Variants in MMP26 observed in about 807,000 individuals in gnomAD.
MMP26 encodes matrix metallopeptidase 26, also known as matrix metalloproteinase-26.
A neutral mutation model predicts 31.0 loss-of-function variants in MMP26; 33 were observed. The observed-to-expected ratio is 1.06, with a 90% CI of 0.81 to 1.42. MMP26 has a LOEUF of 1.42. MMP26 is among the 40% of genes most tolerant of loss of function. MMP26 has a pLI of 0.00. For synonymous variants in MMP26, 122 were observed against 114.9 expected (o/e 1.06, Z -0.40); for missense variants, 347 against 316.1 (o/e 1.10, Z -0.74).
At chr11:4,957,871 G>A (rs555643411) in intron 2 of MMP26, among the ~76,000 whole-genome samples, 2 of 151,942 alleles carry the variant, frequency 1.3e-5, no homozygotes, top group African/African-American at 4.8e-5. Context: ...GTAGAGATGG[G>A]GTTTTGCCAT....
intron 2 of MMP26, among the ~76,000 whole-genome samples, chr11:4,865,412 T>C (rs1850220078): frequency 6.6e-6 from 1 of 152,060 alleles, no homozygotes; most frequent in Non-Finnish European, 1.5e-5. Flanking sequence ...GTAGAACGAA[T>C]GAATCCTCTT....
chr11:4,861,279 A>G (rs1037024501), intron 2 of MMP26, among the ~76,000 whole-genome samples: 1 of 150,462 alleles, frequency 6.6e-6, no homozygotes, highest in Non-Finnish European at 1.5e-5. Flanking sequence ...ATATACATGC[A>G]GATACATACA....
intron 2 of MMP26, among the ~76,000 whole-genome samples, chr11:4,963,581 A>G (rs773890687): frequency 1.3e-5 from 2 of 152,204 alleles, no homozygotes; most frequent in Non-Finnish European, 2.9e-5. Flanking sequence ...ATAATGCCAA[A>G]CATCTACAAC....
chr11:4,798,317 G>A (rs1034383919), intron 2 of MMP26, among the ~76,000 whole-genome samples: 3 of 152,166 alleles, frequency 2.0e-5, no homozygotes, highest in Non-Finnish European at 4.4e-5. Flanking sequence ...TTCAGGATTA[G>A]CAGACCAAGA....
chr11:4,983,549 G>A (rs1244590445), intron 2 of MMP26, among the ~76,000 whole-genome samples: 1 of 152,166 alleles, frequency 6.6e-6, no homozygotes, highest in Admixed American at 6.5e-5. Context: ...TTCAAAATCT[G>A]CTAGGAGAGG....
intron 2 of MMP26, among the ~76,000 whole-genome samples, chr11:4,823,916 CAA>C (rs549063563): frequency 2.0e-5 from 3 of 152,014 alleles, no homozygotes; most frequent in Non-Finnish European, 4.4e-5. Flanking sequence ...ATAAGTTAAC[CAA>C]AAGAGAGCAT....
At chr11:4,810,680 A>G (rs1849338123) in intron 2 of MMP26, among the ~76,000 whole-genome samples, 1 of 152,198 alleles carries the variant, frequency 6.6e-6, no homozygotes, top group South Asian at 2.1e-4. Flanking sequence ...TGAGTGCGTG[A>G]TTATCCAGAT....
intron 1 of MMP26, among the ~76,000 whole-genome samples, chr11:4,729,826 G>A (rs1486029481): frequency 1.3e-5 from 2 of 151,882 alleles, no homozygotes; most frequent in African/African-American, 4.8e-5. Flanking sequence ...AGCCCAAGTG[G>A]TAAACAATTC....
intron 1 of MMP26, among the ~76,000 whole-genome samples, chr11:4,747,764 A>T (rs1163889036): frequency 1.3e-5 from 2 of 152,134 alleles, no homozygotes; most frequent in Non-Finnish European, 2.9e-5. Flanking sequence ...GTGTTAAAAT[A>T]GGCAACATAA....
chr11:4,945,953 A>G (rs1233749201), intron 2 of MMP26: 2 of 580,098 alleles, frequency 3.4e-6, no homozygotes, highest in Admixed American at 3.1e-5. Flanking sequence ...ATTTATTTTT[A>G]TTCTGCTTAA....
chr11:4,947,008 G>T (rs1254821986), intron 2 of MMP26: 1 of 1,587,656 alleles, frequency 6.3e-7, no homozygotes, highest in Non-Finnish European at 8.6e-7. Flanking sequence ...TGCAGATGGG[G>T]ATAGAGATCC....
intron 2 of MMP26, among the ~76,000 whole-genome samples, chr11:4,813,520 C>G (rs1849379031): frequency 6.6e-6 from 1 of 152,144 alleles, no homozygotes; most frequent in African/African-American, 2.4e-5. Context: ...AGCCACCACA[C>G]ACTGCCAGTA....
At chr11:4,973,282 G>A (rs1357281349) in intron 2 of MMP26, 1 of 153,624 alleles carries the variant, frequency 6.5e-6, no homozygotes, top group Non-Finnish European at 1.5e-5. Flanking sequence ...CCACAAATAA[G>A]CCATAGATGA....
chr11:4,790,879 GC>G (rs1238468790), intron 2 of MMP26, among the ~76,000 whole-genome samples: 2 of 152,180 alleles, frequency 1.3e-5, no homozygotes, highest in Non-Finnish European at 2.9e-5. Context: ...AAATAAAGGT[GC>G]TAAGACCTTC....
intron 2 of MMP26, among the ~76,000 whole-genome samples, chr11:4,871,023 G>A (rs1446741316): frequency 6.6e-6 from 1 of 152,062 alleles, no homozygotes; most frequent in African/African-American, 2.4e-5. Context: ...GAATAATAAA[G>A]AGTATAAATT....
At chr11:4,817,274 G>A (rs1166750518) in intron 2 of MMP26, among the ~76,000 whole-genome samples, 2 of 152,098 alleles carry the variant, frequency 1.3e-5, no homozygotes, top group African/African-American at 4.8e-5. Context: ...ACTCTGCATA[G>A]CAGGAAGTAG....
Position 4,989,789 on chromosome 11 carries a change from C to T in MMP26, c.241C>T (p.His81Tyr). 1 of 1,613,862 alleles carries T rather than the reference C, an allele frequency of 6.2e-7. No individual in the cohort carries two copies. Among genetic ancestry groups the T allele is most frequent in the Non-Finnish European group, 8.5e-7 (1 of 1,180,028 alleles). Residue 81 changes from histidine to tyrosine, a missense_variant, in exon 4 of 8, where the codon CAC (histidine) becomes TAC (tyrosine). By Grantham distance (83) the His-to-Tyr change is moderately conservative (BLOSUM62 2). Transcript: ENST00000380390. Reference protein sequence around the residue: ...MQMHALLHQPHCGVPDGSDTS... With the variant: ...MQMHALLHQPYCGVPDGSDTS... The stretch of plus-strand genomic sequence containing the variant: ...GATGCATGCTCTGCTACACCAGCCC[C>T]ACTGTGGGGTGCCTGATGGGTCCGA...
chr11:4,790,691 C>T (rs967434429), intron 2 of MMP26, among the ~76,000 whole-genome samples: 12 of 152,114 alleles, frequency 7.9e-5, no homozygotes, highest in Non-Finnish European at 1.5e-4. Context: ...TCTCGTCTTC[C>T]ACACACCCTC....
chr11:4,709,939 G>A (rs781354238), intron 1 of MMP26: 20 of 456,726 alleles, frequency 4.4e-5, no homozygotes, highest in Non-Finnish European at 7.0e-5. Context: ...GCCTTTGACC[G>A]CTTTATTGCC....
Sources: allele counts gnomAD v4.1 joint callset (sites outside exome capture counted in the v4.1 genomes callset), GRCh38; gene constraint gnomAD v4.1.1; transcripts MANE v1.5; gene names NCBI Gene and HGNC (gene_info 2026-07-23, HGNC 2026-07-21).